The following WDR70 variants were observed in gnomAD, a reference collection of about 807,000 sequenced individuals.
The protein encoded by WDR70 is WD repeat-containing protein 70.
Under a neutral mutation model 88.6 loss-of-function variants are expected in WDR70, and 53 were observed. The observed-to-expected ratio is 0.60, with a 90% CI of 0.48 to 0.75. WDR70 has a LOEUF of 0.75. Ranked by LOEUF, WDR70 falls within the 30% of genes least tolerant of loss-of-function variation. The pLI is 0.00. For synonymous variants in WDR70, 280 were observed against 270.0 expected, an observed-to-expected ratio of 1.04 and a Z score of -0.36; for missense variants, 610 against 823.2, an observed-to-expected ratio of 0.74 and a Z score of 3.17.
chr5:37,734,424 C>G (rs147090211), intron 17 of WDR70, among the ~76,000 whole-genome samples: 1 of 152,060 alleles, frequency 6.6e-6, no homozygotes, highest in Admixed American at 6.6e-5. Context: ...AAGAGATTTA[C>G]TGAACACCAA....
chr5:37,526,251 C>G (rs955674944), intron 9 of WDR70, among the ~76,000 whole-genome samples: 1 of 152,062 alleles, frequency 6.6e-6, no homozygotes, highest in African/African-American at 2.4e-5. Flanking sequence ...ACTGACAAAC[C>G]GAATCCAGCA....
intron 7 of WDR70, among the ~76,000 whole-genome samples, chr5:37,461,111 A>C (rs901474508): frequency 3.6e-5 from 3 of 83,270 alleles, no homozygotes; most frequent in Non-Finnish European, 9.5e-5. Flanking sequence ...ACCTCAAAAA[A>C]AAAAAAAAAA....
intron 9 of WDR70, among the ~76,000 whole-genome samples, chr5:37,580,809 C>T (rs1288508120): frequency 6.6e-6 from 1 of 152,172 alleles, no homozygotes; most frequent in South Asian, 2.1e-4. Flanking sequence ...CAGTTCAAAA[C>T]AGCACTATTT....
intron 9 of WDR70, among the ~76,000 whole-genome samples, chr5:37,563,908 C>T (rs1261107079): frequency 3.0e-5 from 4 of 135,414 alleles, no homozygotes; most frequent in East Asian, 2.2e-4. Context: ...CGGGCAGAGA[C>T]GCTCCTCACA....
intron 10 of WDR70, among the ~76,000 whole-genome samples, chr5:37,643,510 T>C (rs1745158462): frequency 6.6e-6 from 1 of 151,888 alleles, no homozygotes; most frequent in Non-Finnish European, 1.5e-5. Context: ...GTTTTTTTTT[T>C]TCTATTTCTG....
rs112092419 is a variant in WDR70 at position 37,717,488 on chromosome 5, C to T, written c.1417-3627C>T. Among the ~76,000 whole-genome samples the T allele has an allele frequency of 5.2e-4, 79 of 152,244 alleles. 1 individual carries two copies. Among genetic ancestry groups the T allele is most frequent in the African/African-American group, 1.8e-3 (73 of 41,544 alleles). On this transcript the variant is annotated intron_variant, in intron 13 of 17. Transcript: ENST00000265107. ...TGCATTTCTCAGTGACTCCTTAGGT[C>T]TGAATGTGTCACGCTCCCAGTAAAG...
chr5:37,624,389 C>T (rs75561362), intron 10 of WDR70, among the ~76,000 whole-genome samples: 2 of 152,058 alleles, frequency 1.3e-5, no homozygotes, highest in African/African-American at 4.8e-5. Context: ...CTTTTATGAC[C>T]GAGTAGTATT....
At chr5:37,417,914 A>G (rs374562705) in intron 5 of WDR70, among the ~76,000 whole-genome samples, 1 of 152,242 alleles carries the variant, frequency 6.6e-6, no homozygotes, top group African/African-American at 2.4e-5. Context: ...TAGTGTATAC[A>G]TAGCAAATTG....
intron 7 of WDR70, among the ~76,000 whole-genome samples, chr5:37,445,047 A>C (rs66703795): frequency 1.2e-4 from 18 of 152,136 alleles, no homozygotes; most frequent in Non-Finnish European, 2.4e-4. Flanking sequence ...ATACCAGTCC[A>C]TGTCCTGGGC....
chr5:37,510,699 A>G lies in WDR70; in HGVS notation c.841-5815A>G, dbSNP rs568619091. 2.0e-5 allele frequency among the ~76,000 whole-genome samples: 3 copies of G among 152,298 alleles called. 1 individual carries two copies. In the East Asian group the frequency reaches 5.8e-4, roughly 29 times the overall value. On this transcript the variant is annotated intron_variant, in intron 8 of 17. Transcript: ENST00000265107. ...CAACAATCTGTATAATGATTTTTTCACCAGTTCCAGGCTCTGATCAAGATC... is the reference window on the plus strand; with the variant it reads ...CAACAATCTGTATAATGATTTTTTCGCCAGTTCCAGGCTCTGATCAAGATC...
chr5:37,676,542 A>G (rs1337573067), intron 10 of WDR70, among the ~76,000 whole-genome samples: 1 of 151,776 alleles, frequency 6.6e-6, no homozygotes, highest in East Asian at 1.9e-4. Context: ...ACATTTATTG[A>G]TTTGCGTATA....
intron 14 of WDR70, 196 bp downstream of exon 14, chr5:37,721,411 C>G: frequency 1.7e-6 from 1 of 587,006 alleles, no homozygotes; most frequent in Non-Finnish European, 3.0e-6. Flanking sequence ...TTGATCCACA[C>G]TGAATTCAAA....
intron 10 of WDR70, among the ~76,000 whole-genome samples, chr5:37,684,100 G>A (rs1252001712): frequency 6.6e-6 from 1 of 152,012 alleles, no homozygotes; most frequent in African/African-American, 2.4e-5. Flanking sequence ...CAGTCTTCAA[G>A]CTCTGAGATT....
In WDR70 at chr5:37,379,329, G is replaced by T; in HGVS notation, c.-39G>T. 2 of 1,613,038 alleles carry T rather than the reference G, an allele frequency of 1.2e-6. No homozygotes were observed. The highest frequency in any genetic ancestry group is 1.7e-6 in the Non-Finnish European group (2 of 1,179,552). ...TGGCAAGTTCCCCTGCAGTTGTTTG[G>T]GCTGTCCCTGTGGCTGGTTCTGGGG... is the stretch of plus-strand genomic sequence containing the variant. On this transcript the variant is annotated 5_prime_UTR_variant, in exon 1 of 18. Coordinates refer to ENST00000265107, the MANE Select transcript of WDR70 (RefSeq NM_018034.4).
At chr5:37,686,323 A>G (rs888106457) in intron 10 of WDR70, among the ~76,000 whole-genome samples, 7 of 145,252 alleles carry the variant, frequency 4.8e-5, no homozygotes, top group African/African-American at 1.2e-4. Flanking sequence ...TCACAAAGGG[A>G]AAAAAAAAAG....
chr5:37,442,571 C>T (rs1231942597), intron 6 of WDR70, among the ~76,000 whole-genome samples: 2 of 152,126 alleles, frequency 1.3e-5, no homozygotes, highest in African/African-American at 4.8e-5. Context: ...GATCTCCCTG[C>T]CTTGGCCTCC....
chr5:37,614,736 A>G (rs1744283188), intron 10 of WDR70, among the ~76,000 whole-genome samples: 1 of 152,066 alleles, frequency 6.6e-6, no homozygotes, highest in Admixed American at 6.5e-5. Flanking sequence ...AAAGATTTTG[A>G]CCCCTGTCAT....
chr5:37,476,856 A>C (rs1399919501), intron 7 of WDR70, among the ~76,000 whole-genome samples: 2 of 151,930 alleles, frequency 1.3e-5, no homozygotes, highest in Non-Finnish European at 2.9e-5. Flanking sequence ...TTTTTTTAAG[A>C]GATTGGGTCT....
At chr5:37,480,029 A>T in intron 8 of WDR70, 42 bp downstream of exon 8, 1 of 1,568,968 alleles carries the variant, frequency 6.4e-7, no homozygotes, top group Non-Finnish European at 8.6e-7. Flanking sequence ...AATTCAGCAC[A>T]CATTTATTAA....
Sources: gnomAD v4.1 joint callset for allele counts (sites outside exome capture counted in the v4.1 genomes callset) on GRCh38, gnomAD v4.1.1 for gene constraint, MANE v1.5 for transcripts, NCBI Gene and HGNC (gene_info 2026-07-23, HGNC 2026-07-21) for gene names.